Variants in CNTN5 observed in about 807,000 individuals in gnomAD.
CNTN5 encodes the protein contactin-5.
A neutral mutation model predicts 129.1 loss-of-function variants in CNTN5; 77 were observed. That is an observed-to-expected ratio of 0.60 (90% CI 0.50 to 0.72). The LOEUF (loss-of-function observed/expected upper bound fraction) is 0.72. Among genes scored for constraint, CNTN5 ranks in the 30% least tolerant of loss-of-function variants. The pLI, the probability that CNTN5 is intolerant of heterozygous loss-of-function variation, is 0.00. For synonymous variants in CNTN5, 509 were observed against 465.6 expected (o/e 1.09, Z -1.20); for missense variants, 1,478 against 1,328.8 (o/e 1.11, Z -1.75).
intron 15 of CNTN5, among the ~76,000 whole-genome samples, chr11:100,211,260 G>T (rs80285932): frequency 0.028 from 4,327 of 152,218 alleles, 174 homozygotes; most frequent in African/African-American, 0.087. Flanking sequence ...TCAGTTGCCA[G>T]CATTTACGTA....
At chr11:99,030,572 A>T (rs1394336971) in intron 1 of CNTN5, among the ~76,000 whole-genome samples, 1 of 152,194 alleles carries the variant, frequency 6.6e-6, no homozygotes, top group African/African-American at 2.4e-5. Context: ...TAGAGCATAG[A>T]TTCTATTTTG....
chr11:100,182,876 AC>A (rs747005785), intron 13 of CNTN5, among the ~76,000 whole-genome samples: 24 of 151,968 alleles, frequency 1.6e-4, no homozygotes, highest in Non-Finnish European at 3.4e-4. Context: ...CATGTTTCAT[AC>A]CTAAAATAAG....
intron 1 of CNTN5, among the ~76,000 whole-genome samples, chr11:99,304,958 T>C (rs979607128): frequency 6.6e-6 from 1 of 152,212 alleles, no homozygotes; most frequent in African/African-American, 2.4e-5. Flanking sequence ...TACTAATAGA[T>C]ATATCTGTTA....
intron 15 of CNTN5, among the ~76,000 whole-genome samples, chr11:100,200,757 A>G (rs1027679283): frequency 3.3e-5 from 5 of 151,894 alleles, no homozygotes; most frequent in African/African-American, 1.2e-4. Flanking sequence ...AAATTGAAGA[A>G]TGAGAAATAG....
At chr11:99,751,856 C>A (rs529993957) in intron 3 of CNTN5, among the ~76,000 whole-genome samples, 2 of 152,290 alleles carry the variant, frequency 1.3e-5, no homozygotes, top group African/African-American at 4.8e-5. Flanking sequence ...AGACTCCTCC[C>A]TTATGAATGG....
intron 3 of CNTN5, among the ~76,000 whole-genome samples, chr11:99,610,468 A>G (rs1210557515): frequency 6.6e-6 from 1 of 152,208 alleles, no homozygotes; most frequent in Non-Finnish European, 1.5e-5. Context: ...GGATCTTAGA[A>G]CATATTTTGT....
At chr11:99,349,611 CTT>C (rs1938150258) in intron 2 of CNTN5, among the ~76,000 whole-genome samples, 1 of 152,092 alleles carries the variant, frequency 6.6e-6, no homozygotes, top group African/African-American at 2.4e-5. Flanking sequence ...GAATTGAACA[CTT>C]GGAATGACAG....
At chr11:99,316,454 A>AT (rs757578855) in intron 1 of CNTN5, among the ~76,000 whole-genome samples, 66 of 152,078 alleles carry the variant, frequency 4.3e-4, no homozygotes, top group African/African-American at 1.4e-3. Context: ...TTCAATGACA[A>AT]TTTTTTTCTA....
chr11:99,449,075 C>T (rs960744811), intron 2 of CNTN5, among the ~76,000 whole-genome samples: 8 of 152,100 alleles, frequency 5.3e-5, no homozygotes, highest in African/African-American at 1.9e-4. Context: ...AGCCACTGCA[C>T]CCAGTCTACA....
chr11:99,350,424 A>G (rs577492644), intron 2 of CNTN5, among the ~76,000 whole-genome samples: 1 of 152,170 alleles, frequency 6.6e-6, no homozygotes, highest in Non-Finnish European at 1.5e-5. Context: ...GTAAATATAG[A>G]TATGCACTGT....
intron 13 of CNTN5, among the ~76,000 whole-genome samples, chr11:100,109,677 G>T (rs907539957): frequency 6.6e-6 from 1 of 152,080 alleles, no homozygotes; most frequent in Non-Finnish European, 1.5e-5. Flanking sequence ...AATAAAATGC[G>T]AAAGTATTAT....
At chr11:99,779,684 G>A (rs1945245992) in intron 3 of CNTN5, among the ~76,000 whole-genome samples, 1 of 151,934 alleles carries the variant, frequency 6.6e-6, no homozygotes, top group African/African-American at 2.4e-5. Context: ...GGAAATTGAG[G>A]CATTGAAAGA....
chr11:99,427,490 G>A (rs1164881703), intron 2 of CNTN5, among the ~76,000 whole-genome samples: 1 of 152,154 alleles, frequency 6.6e-6, no homozygotes, highest in African/African-American at 2.4e-5. Flanking sequence ...TCTTGGGCCT[G>A]GCGCGGTGGC....
At chr11:99,433,371 A>AAATGTGTGTGTGTGTG (rs1555143805) in intron 2 of CNTN5, among the ~76,000 whole-genome samples, 2 of 140,840 alleles carry the variant, frequency 1.4e-5, no homozygotes, top group Admixed American at 7.2e-5. Flanking sequence ...TAAAAAAAAA[A>AAATGTGTGTGTGTGTG]TGTGTGTGTG....
chr11:99,867,659 C>A (rs1159270785), intron 6 of CNTN5, among the ~76,000 whole-genome samples: 2 of 152,168 alleles, frequency 1.3e-5, no homozygotes, highest in African/African-American at 4.8e-5. Context: ...CTGCCTCCCC[C>A]TTCTACTTTT....
Position 100,352,231 on chromosome 11 carries a change from C to T in CNTN5, c.3199+1361C>T, listed in dbSNP as rs192260636. 5.3e-5 allele frequency among the ~76,000 whole-genome samples: 8 copies of T among 151,700 alleles called. No individual in the cohort carries two copies. In the East Asian group the frequency reaches 1.6e-3, roughly 30 times the overall value. ...TCCCCTCTATATGTCCATGTGTTCT[C>T]ATAATTTAGCTGCCACTTACAATAC... On this transcript the variant is annotated intron_variant, in intron 24 of 24. Transcript: ENST00000524871.
At chr11:99,332,841 C>T (rs1866058416) in intron 2 of CNTN5, among the ~76,000 whole-genome samples, 1 of 151,948 alleles carries the variant, frequency 6.6e-6, no homozygotes, top group African/African-American at 2.4e-5. Flanking sequence ...CAGTATTTAC[C>T]TTACTAAATT....
rs146759404 is a variant in CNTN5 at position 99,927,423 on chromosome 11, G to A, written c.673+11274G>A. Among the ~76,000 whole-genome samples, 739 of 152,092 alleles carry A rather than the reference G, an allele frequency of 4.9e-3. 2 individuals carry two copies. Among genetic ancestry groups the A allele is most frequent in the Middle Eastern group, 0.014 (4 of 292 alleles). ...TTGTATTGTATTAGTGCATTATCCC[G>A]CTGCTATGAAGAAATACCTGAGACT... On this transcript the variant is annotated intron_variant, in intron 7 of 24. Coordinates refer to ENST00000524871, the MANE Select transcript of CNTN5 (RefSeq NM_014361.4).
chr11:99,962,615 C>A (rs1419080540), intron 8 of CNTN5, among the ~76,000 whole-genome samples: 1 of 150,958 alleles, frequency 6.6e-6, no homozygotes, highest in Non-Finnish European at 1.5e-5. Context: ...CCGCAATAAA[C>A]ATACGTGTGC....
Sources: allele counts gnomAD v4.1 joint callset (sites outside exome capture counted in the v4.1 genomes callset), GRCh38; gene constraint gnomAD v4.1.1; transcripts MANE v1.5; gene names NCBI Gene and HGNC (gene_info 2026-07-23, HGNC 2026-07-21).